Variants in RASGRP3 observed in about 807,000 individuals in gnomAD.
RASGRP3 encodes the protein RAS guanyl releasing protein 3.
A neutral mutation model predicts 82.7 loss-of-function variants in RASGRP3; 54 were observed. The observed-to-expected ratio is 0.65, with a 90% CI of 0.52 to 0.82. RASGRP3 has a LOEUF of 0.82. Ranked by LOEUF, RASGRP3 falls within the 40% of genes least tolerant of loss-of-function variation. RASGRP3 has a pLI of 0.00. For synonymous variants in RASGRP3, 309 were observed against 300.5 expected (o/e 1.03, Z -0.29); for missense variants, 861 against 828.9 (o/e 1.04, Z -0.48).
chr2:33,472,528 G>T (rs1051933349), upstream of RASGRP3, among the ~76,000 whole-genome samples: 2 of 152,166 alleles, frequency 1.3e-5, no homozygotes, highest in Non-Finnish European at 1.5e-5. Flanking sequence ...AGTGCAAGAT[G>T]AGAAGAGAGG....
intron 1 of RASGRP3, among the ~76,000 whole-genome samples, chr2:33,496,923 A>G (rs905080852): frequency 1.3e-5 from 2 of 152,210 alleles, no homozygotes; most frequent in Non-Finnish European, 2.9e-5. Context: ...CTTTAGATGC[A>G]TGAAAGCAAT....
At chr2:33,492,202 C>T (rs1321869495) in intron 1 of RASGRP3, among the ~76,000 whole-genome samples, 2 of 152,188 alleles carry the variant, frequency 1.3e-5, no homozygotes, top group African/African-American at 2.4e-5. Context: ...TAAAAAATGA[C>T]ATCGAGTGGT....
At chr2:33,506,285 G>A (rs1265927018) in intron 1 of RASGRP3, among the ~76,000 whole-genome samples, 3 of 152,182 alleles carry the variant, frequency 2.0e-5, no homozygotes, top group Non-Finnish European at 4.4e-5. Context: ...TAATGGGCAG[G>A]CCTTAACAAC....
chr2:33,456,185 C>A (rs1185159031), intron 2 of RASGRP3, among the ~76,000 whole-genome samples: 1 of 152,084 alleles, frequency 6.6e-6, no homozygotes, highest in Non-Finnish European at 1.5e-5. Context: ...GGTATTTGAT[C>A]CTCTTACTAC....
chr2:33,542,461 A>G (rs1005026162), intron 12 of RASGRP3, among the ~76,000 whole-genome samples: 1 of 147,400 alleles, frequency 6.8e-6, no homozygotes, highest in Non-Finnish European at 1.5e-5. Flanking sequence ...TTCATTTAAA[A>G]TAAATCCCTA....
chr2:33,540,551 GTGTT>G (rs1169957149), intron 12 of RASGRP3, among the ~76,000 whole-genome samples: 582 of 31,824 alleles, frequency 0.018, 20 homozygotes, highest in African/African-American at 0.078. Context: ...CTCTGTGTGT[GTGTT>G]TTGTGTGTGT....
intron 2 of RASGRP3, among the ~76,000 whole-genome samples, chr2:33,471,258 T>G (rs1256542690): frequency 6.6e-6 from 1 of 151,990 alleles, no homozygotes; most frequent in Non-Finnish European, 1.5e-5. Context: ...TTACTGCAGC[T>G]TTGATCCCCT....
At position 33,562,929 on chromosome 2, in the gene RASGRP3, C is replaced by CTATT; in HGVS notation, c.*198_*201dup. On this transcript the variant is annotated 3_prime_UTR_variant, in exon 18 of 18. Transcript: ENST00000403687. ...TTGACCCTAACTAACTAACTATGAACTATTTATTTCCTCCTCCCCTACCCC... is the reference window on the plus strand; with the variant it reads ...TTGACCCTAACTAACTAACTATGAACTATTTATTTATTTCCTCCTCCCCTACCCC... The CTATT allele has an allele frequency of 2.9e-6, 2 of 689,444 alleles. No homozygotes were observed. The highest frequency in any genetic ancestry group is 2.4e-6 in the Non-Finnish European group (1 of 415,300). The allele number at this position is 689,444 out of a possible 1,614,324, so 42.7% of individuals were successfully genotyped here. A position where few individuals can be genotyped will look rare whatever the true frequency, so the allele number is the denominator to read the frequency against.
Position 33,535,905 on chromosome 2 carries a change from C to G in RASGRP3, c.1161+1505C>G, listed in dbSNP as rs532822258. 2.3e-4 allele frequency among the ~76,000 whole-genome samples: 35 copies of G among 152,298 alleles called. No individual in the cohort carries two copies. In the East Asian group the frequency reaches 6.2e-3, roughly 27 times the overall value. ...TTAAGCCCTATTGTATGTGTGCATA[C>G]AGAATTTCCACCTCTTGACACCAAT... On this transcript the variant is annotated intron_variant, in intron 11 of 17. Coordinates refer to ENST00000403687, the MANE Select transcript of RASGRP3 (RefSeq NM_001139488.2).
rs1439105380 is a variant in RASGRP3 at position 33,522,088 on chromosome 2, T to C, written c.502T>C (p.Phe168Leu). The change falls in exon 7 of 18, where the codon TTT becomes CTT. Residue 168 changes from phenylalanine (F) to leucine (L), a missense_variant. Physicochemically the swap from Phe to Leu is conservative, Grantham distance 22 (BLOSUM62 0). Coordinates refer to ENST00000403687, the MANE Select transcript of RASGRP3 (RefSeq NM_001139488.2). ...EHLTFLEHKS[F>L]RRISFTDYQS... ...CCTCACTTTTCTGGAGCATAAATCT[T>C]TTAGAAGGATCTCAGTAAGAAACTT... 1.2e-6 allele frequency: 2 copies of C among 1,606,234 alleles called. No individual in the cohort carries two copies. Among genetic ancestry groups the C allele is most frequent in the African/African-American group, 2.7e-5 (2 of 74,464 alleles).
At chr2:33,451,715 C>G (rs1665809651) in intron 2 of RASGRP3, among the ~76,000 whole-genome samples, 1 of 151,746 alleles carries the variant, frequency 6.6e-6, no homozygotes, top group South Asian at 2.1e-4. Context: ...TGTATTTAAT[C>G]TGCTTGGGGC....
At chr2:33,525,948 G>GT (rs1346773883) in intron 9 of RASGRP3, among the ~76,000 whole-genome samples, 1 of 152,160 alleles carries the variant, frequency 6.6e-6, no homozygotes, top group East Asian at 1.9e-4. Context: ...GGAGAGTTTT[G>GT]TTTTTTTGTT....
Position 33,437,346 on chromosome 2 carries a change from G to A in RASGRP3, c.-385+755G>A, listed in dbSNP as rs1477423414. Among the ~76,000 whole-genome samples the A allele has an allele frequency of 3.3e-5, 5 of 152,330 alleles. No individual in the cohort carries two copies. In the East Asian group the frequency reaches 9.6e-4, roughly 29 times the overall value. On this transcript the variant is annotated intron_variant, in intron 1 of 18. Transcript: ENST00000402538. The stretch of plus-strand genomic sequence containing the variant: ...CCCACAAAAACTTGGAAAGCTACTA[G>A]GGACATTCCAAATTCTTTTAACATT...
At chr2:33,477,294 T>A (rs1667461174) in intron 1 of RASGRP3, among the ~76,000 whole-genome samples, 1 of 152,196 alleles carries the variant, frequency 6.6e-6, no homozygotes, top group South Asian at 2.1e-4. Flanking sequence ...TATTTAGATT[T>A]CTTGCATGGT....
intron 13 of RASGRP3, 90 bp downstream of exon 13, chr2:33,543,717 C>T (rs1342785562): frequency 1.1e-6 from 1 of 885,030 alleles, no homozygotes; most frequent in Non-Finnish European, 1.7e-6. Flanking sequence ...TAATTTGCAT[C>T]TTGACAGCTT....
chr2:33,562,919 TA>T lies in RASGRP3; in HGVS notation c.*184del, dbSNP rs1676845899. On this transcript the variant is annotated 3_prime_UTR_variant, in exon 18 of 18. Transcript: ENST00000403687. ...GGACAGAGAATTGACCCTAACTAAC[TA>T]ACTATGAACTATTTATTTCCTCCTC... 1.4e-5 allele frequency: 10 copies of T among 722,130 alleles called. No individual in the cohort carries two copies. The highest frequency in any genetic ancestry group is 2.3e-5 in the Non-Finnish European group (10 of 441,472). The allele number at this position is 722,130 out of a possible 1,614,324, so 44.7% of individuals were successfully genotyped here.
intron 1 of RASGRP3, among the ~76,000 whole-genome samples, chr2:33,479,474 C>T (rs1667687482): frequency 6.6e-6 from 1 of 152,148 alleles, no homozygotes; most frequent in South Asian, 2.1e-4. Flanking sequence ...TCAGACCCAT[C>T]CCCTTTGCTC....
intron 2 of RASGRP3, among the ~76,000 whole-genome samples, chr2:33,451,686 G>A (rs906492273): frequency 6.6e-6 from 1 of 152,016 alleles, no homozygotes; most frequent in African/African-American, 2.4e-5. Flanking sequence ...TGATTGTAAT[G>A]TGTCTTGGTG....
rs75228258 is a variant in RASGRP3 at position 33,555,213 on chromosome 2, G to C, written c.1543-318G>C. ...AAAGAGAGAGCCAGGGGCTCCCAAA[G>C]ACCAAGTGGCCATCTCCTCTGTACA... is the stretch of plus-strand genomic sequence containing the variant. On this transcript the variant is annotated intron_variant, in intron 14 of 17. Coordinates refer to ENST00000403687, the MANE Select transcript of RASGRP3 (RefSeq NM_001139488.2). 653 of 213,796 alleles carry C rather than the reference G, an allele frequency of 3.1e-3. 3 individuals carry two copies. Among genetic ancestry groups the C allele is most frequent in the Non-Finnish European group, 5.2e-3 (566 of 108,882 alleles). The allele number at this position is 213,796 out of a possible 1,614,324, so 13.2% of individuals were successfully genotyped here.
Sources: gnomAD v4.1 joint callset for allele counts (sites outside exome capture counted in the v4.1 genomes callset) on GRCh38, gnomAD v4.1.1 for gene constraint, MANE v1.5 for transcripts, NCBI Gene and HGNC (gene_info 2026-07-23, HGNC 2026-07-21) for gene names.